The following SGCZ variants were observed in gnomAD, a reference collection of about 807,000 sequenced individuals.
The protein encoded by SGCZ is sarcoglycan zeta.
A neutral mutation model predicts 41.3 loss-of-function variants in SGCZ; 40 were observed. The ratio of observed to expected loss-of-function variants is 0.97; its 90% CI spans 0.75 to 1.26. The LOEUF is 1.26. SGCZ is among the 50% of genes most tolerant of loss of function. The probability of loss-of-function intolerance (pLI) is 0.00; values close to 1 mark genes in which losing one functional copy is unlikely to be tolerated. For missense variants in SGCZ, 552 were observed against 369.8 expected (o/e 1.49, Z -4.04); for synonymous variants, 206 against 137.5 (o/e 1.50, Z -3.49).
At chr8:15,208,611 G>A (rs11203686) in intron 1 of SGCZ, among the ~76,000 whole-genome samples, 1 of 151,952 alleles carries the variant, frequency 6.6e-6, no homozygotes, top group Non-Finnish European at 1.5e-5. Flanking sequence ...TTCTAGAAAA[G>A]TCTGTAAGGT....
chr8:14,883,057 T>C (rs909472552), intron 1 of SGCZ, among the ~76,000 whole-genome samples: 1 of 152,224 alleles, frequency 6.6e-6, no homozygotes. Context: ...AAAATAAATA[T>C]TATTTTTGAA....
chr8:14,512,029 T>C (rs118141655), intron 2 of SGCZ, among the ~76,000 whole-genome samples: 19 of 152,294 alleles, frequency 1.2e-4, no homozygotes, highest in Non-Finnish European at 1.0e-4. Flanking sequence ...GCAACATTCT[T>C]GGATGTGAAA....
At chr8:14,436,971 A>C (rs190254030) in intron 2 of SGCZ, among the ~76,000 whole-genome samples, 26 of 152,336 alleles carry the variant, frequency 1.7e-4, no homozygotes, top group Admixed American at 1.7e-3. Flanking sequence ...ATGAAAATCC[A>C]AACTTTTAAG....
intron 1 of SGCZ, among the ~76,000 whole-genome samples, chr8:14,791,953 T>C (rs1219892319): frequency 1.3e-5 from 2 of 152,134 alleles, no homozygotes; most frequent in African/African-American, 4.8e-5. Flanking sequence ...CTTTATTTTG[T>C]AAAAGAGAAG....
intron 3 of SGCZ, among the ~76,000 whole-genome samples, chr8:14,297,400 T>A (rs1801051092): frequency 1.3e-5 from 2 of 150,174 alleles, no homozygotes; most frequent in African/African-American, 4.9e-5. Flanking sequence ...TATATAGAAA[T>A]AAGTAATTAA....
chr8:14,791,770 T>C (rs1800963216), intron 1 of SGCZ, among the ~76,000 whole-genome samples: 2 of 152,212 alleles, frequency 1.3e-5, no homozygotes, highest in African/African-American at 2.4e-5. Context: ...GCAAGAGCTA[T>C]AGGTTCCAAT....
rs1204607148 is a variant in SGCZ at position 14,197,573 on chromosome 8, A to G, written c.425-32871T>C. On this transcript the variant is annotated intron_variant, in intron 4 of 7. Transcript: ENST00000382080. ...TTAAAAAAAAACAAATAATTATCTT[A>G]GTACCTAGAGAAAAAGCTTCTGTCA... Among the ~76,000 whole-genome samples the G allele has an allele frequency of 3.9e-5, 6 of 152,128 alleles. No individual in the cohort carries two copies. In the South Asian group the frequency reaches 1.2e-3, roughly 31 times the overall value.
chr8:14,091,043 G>A (rs1801674446), intron 7 of SGCZ, among the ~76,000 whole-genome samples: 1 of 151,918 alleles, frequency 6.6e-6, no homozygotes, highest in Non-Finnish European at 1.5e-5. Flanking sequence ...GTGTCCATGT[G>A]TTCTCATTGT....
At chr8:14,915,983 G>C (rs1799424798) in intron 1 of SGCZ, among the ~76,000 whole-genome samples, 2 of 152,150 alleles carry the variant, frequency 1.3e-5, no homozygotes, top group Non-Finnish European at 2.9e-5. Flanking sequence ...TGTTAAAAAA[G>C]TTTGTTGGGA....
At chr8:14,913,124 C>G (rs1799326578) in intron 1 of SGCZ, among the ~76,000 whole-genome samples, 1 of 151,870 alleles carries the variant, frequency 6.6e-6, no homozygotes. Context: ...TGGTAAATAT[C>G]TTTTTAATTA....
At chr8:15,136,255 T>C (rs1467202013) in intron 1 of SGCZ, among the ~76,000 whole-genome samples, 1 of 152,116 alleles carries the variant, frequency 6.6e-6, no homozygotes, top group Non-Finnish European at 1.5e-5. Flanking sequence ...ATTTAAACTT[T>C]CTGTGCCTCA....
At chr8:14,589,446 T>C (rs530704808) in intron 1 of SGCZ, among the ~76,000 whole-genome samples, 3 of 152,186 alleles carry the variant, frequency 2.0e-5, no homozygotes, top group Admixed American at 1.3e-4. Flanking sequence ...ACCAGAAATG[T>C]CTGAAGAAAA....
At position 14,366,314 on chromosome 8, in the gene SGCZ, C is replaced by A. The variant is rs191253811; in HGVS notation, c.235-42110G>T. 3.0e-3 allele frequency among the ~76,000 whole-genome samples: 460 copies of A among 152,220 alleles called. 2 individuals carry two copies. The highest frequency in any genetic ancestry group is 0.01 in the African/African-American group (426 of 41,544). On this transcript the variant is annotated intron_variant, in intron 2 of 7. Transcript: ENST00000382080. ...GAAGCAGGAGCAAAGGCCCATCATA[C>A]ATGGTGGCAAGAAGGAGAGCATGTG... is the stretch of plus-strand genomic sequence containing the variant.
At chr8:14,500,330 T>C (rs1345947298) in intron 2 of SGCZ, among the ~76,000 whole-genome samples, 3 of 152,064 alleles carry the variant, frequency 2.0e-5, no homozygotes, top group African/African-American at 7.2e-5. Flanking sequence ...CAGAAAAGCA[T>C]TGCTTTTGAG....
intron 1 of SGCZ, among the ~76,000 whole-genome samples, chr8:14,648,333 C>G (rs996418333): frequency 6.6e-6 from 1 of 152,028 alleles, no homozygotes; most frequent in African/African-American, 2.4e-5. Context: ...GTATAAGAAA[C>G]ATGCTTTCTT....
chr8:15,000,531 G>C (rs1249322619), intron 1 of SGCZ, among the ~76,000 whole-genome samples: 1 of 152,142 alleles, frequency 6.6e-6, no homozygotes, highest in African/African-American at 2.4e-5. Context: ...AGCAAGCTAG[G>C]AGCTTGCATG....
chr8:14,426,894 G>A (rs1330073150), intron 2 of SGCZ, among the ~76,000 whole-genome samples: 1 of 152,108 alleles, frequency 6.6e-6, no homozygotes. Context: ...AAAGTTTTCA[G>A]TTGTCTCTAA....
At chr8:14,675,559 A>T (rs1292195858) in intron 1 of SGCZ, among the ~76,000 whole-genome samples, 1 of 152,134 alleles carries the variant, frequency 6.6e-6, no homozygotes, top group South Asian at 2.1e-4. Context: ...CTCAATTTAT[A>T]TGAGAAAATA....
chr8:14,194,879 T>C (rs1007423126), intron 4 of SGCZ, among the ~76,000 whole-genome samples: 3 of 151,968 alleles, frequency 2.0e-5, no homozygotes, highest in Admixed American at 1.3e-4. Flanking sequence ...TGAATCATAA[T>C]TCATAATGAG....
Sources: gnomAD v4.1 joint callset for allele counts (sites outside exome capture counted in the v4.1 genomes callset) on GRCh38, gnomAD v4.1.1 for gene constraint, MANE v1.5 for transcripts, NCBI Gene and HGNC (gene_info 2026-07-23, HGNC 2026-07-21) for gene names.